SLFN11: variants seen among roughly 807,000 people sequenced by gnomAD.
The protein encoded by SLFN11 is schlafen family member 11.
In SLFN11, 43 loss-of-function variants were observed where a neutral mutation model predicts 53.4. That is an observed-to-expected ratio of 0.80 (90% CI 0.63 to 1.04). The LOEUF (loss-of-function observed/expected upper bound fraction) is 1.04. Ranked by LOEUF, SLFN11 falls within the 50% of genes least tolerant of loss-of-function variation. SLFN11 has a pLI of 0.00. For synonymous variants in SLFN11, 389 were observed against 394.7 expected (o/e 0.99, Z 0.17); for missense variants, 990 against 1,079.1 (o/e 0.92, Z 1.16).
intron 5 of SLFN11, among the ~76,000 whole-genome samples, chr17:35,357,653 C>T (rs983155096): frequency 2.0e-5 from 3 of 147,994 alleles, no homozygotes; most frequent in Non-Finnish European, 4.5e-5. Context: ...ATCCTACATT[C>T]TGTAACTTTG....
rs201943681 is a variant in SLFN11, at chr17:35,363,316, T to C, written c.492A>G (p.Gly164=). The C allele has an allele frequency of 6.2e-6, 10 of 1,613,874 alleles. No individual in the cohort carries two copies. Among genetic ancestry groups the C allele is most frequent in the African/African-American group, 1.3e-5 (1 of 74,888 alleles). Residue 164 remains glycine (G), a synonymous_variant, in exon 4 of 7, where the codon GGA becomes GGG. Coordinates refer to ENST00000685675, the MANE Select transcript of SLFN11 (RefSeq NM_001376007.1). Reference sequence around the variant, plus strand: ...CACCCTTGTGAATTTTGTGAAAAGGTCCTTCTTCCAAGATTTTTGGCTTCC... The same window carrying C: ...CACCCTTGTGAATTTTGTGAAAAGGCCCTTCTTCCAAGATTTTTGGCTTCC... ...TKRKPKILEE[G]PFHKIHKGVY...
rs79638520 is a variant in SLFN11, at chr17:35,352,924, C to T, written c.2138G>A (p.Ser713Asn). ...TTGGTCTGAGAGAGGAGGGAGGCCACTGCAATCCAAGTGGCTGGTCTGAAA... is the reference window on the plus strand; with the variant it reads ...TTGGTCTGAGAGAGGAGGGAGGCCATTGCAATCCAAGTGGCTGGTCTGAAA... ...DYFQTSHLDC[S>N]GLPPLSDQYP... The change falls in exon 7 of 7, where the codon AGT becomes AAT. Residue 713 changes from serine (S) to asparagine (N), a missense_variant. Around this residue, in one of 3 missense-constraint regions of SLFN11, gnomAD observed 313 missense variants for 320.9 expected, o/e 0.98. Coordinates refer to ENST00000685675, the MANE Select transcript of SLFN11 (RefSeq NM_001376007.1). 0.018 allele frequency: 29,656 copies of T among 1,614,182 alleles called. 400 individuals are homozygous for T. Among genetic ancestry groups the T allele is most frequent in the Middle Eastern group, 0.06 (365 of 6,062 alleles).
chr17:35,362,400 C>T (rs527720351), intron 4 of SLFN11, among the ~76,000 whole-genome samples: 17 of 152,136 alleles, frequency 1.1e-4, no homozygotes, highest in African/African-American at 3.6e-4. Flanking sequence ...TTAGTAATAA[C>T]TATGTTTAAC....
In SLFN11 at chr17:35,363,082, T is replaced by A. The variant is rs772635714; in HGVS notation, c.726A>T (p.Gly242=). ...PEYVPAFANT[G]GGYLFIGVDD... ...CCACTCCAATAAAAAGATAGCCTCCTCCAGTGTTTGCAAATGCAGGGACGT... is the reference window on the plus strand; with the variant it reads ...CCACTCCAATAAAAAGATAGCCTCCACCAGTGTTTGCAAATGCAGGGACGT... The change falls in exon 4 of 7, where the codon GGA becomes GGT. Residue 242 remains glycine (G), a synonymous_variant. Coordinates refer to ENST00000685675, the MANE Select transcript of SLFN11 (RefSeq NM_001376007.1). 14 of 1,613,908 alleles carry A rather than the reference T, an allele frequency of 8.7e-6. No homozygotes were observed. Among genetic ancestry groups the A allele is most frequent in the African/African-American group, 1.3e-5 (1 of 74,922 alleles).
rs531005600 is a variant in SLFN11 at position 35,359,155 on chromosome 17, C to T, written c.1198+1088G>A. Among the ~76,000 whole-genome samples, 6 of 152,134 alleles carry T rather than the reference C, an allele frequency of 3.9e-5. No homozygotes were observed. The South Asian group carries it at 1.2e-3, about 32-fold the overall frequency. On this transcript the variant is annotated intron_variant, in intron 5 of 6. Transcript: ENST00000685675. Reference sequence around the variant, plus strand: ...GATTTTTTTATACCAGAATAATAGGCTGTTCCTCTATGGGCATATAGCCCA... The same window carrying T: ...GATTTTTTTATACCAGAATAATAGGTTGTTCCTCTATGGGCATATAGCCCA...
At chr17:35,362,635 G>T in intron 4 of SLFN11, 104 bp downstream of exon 4, 1 of 849,790 alleles carries the variant, frequency 1.2e-6, no homozygotes, top group Admixed American at 3.3e-5. Flanking sequence ...AAAGTGTTCA[G>T]TGGATGTAAG....
rs1444664765 is a variant in SLFN11 at position 35,352,508 on chromosome 17, C to T, written c.2554G>A (p.Asp852Asn). The change falls in exon 7 of 7, where the codon GAC (aspartate) becomes AAC (asparagine). Residue 852 changes from aspartate to asparagine, a missense_variant. Transcript: ENST00000685675. Reference sequence around the variant, plus strand: ...AGGCCTGAGAATCGCCGAACACTGTCCAACACAATGTGATCACCCAACATA... The same window carrying T: ...AGGCCTGAGAATCGCCGAACACTGTTCAACACAATGTGATCACCCAACATA... ...CDMLGDHIVL[D>N]SVRRFSGLER... The T allele has an allele frequency of 6.2e-7, 1 of 1,614,176 alleles. No individual in the cohort carries two copies. The highest frequency in any genetic ancestry group is 2.2e-5 in the East Asian group (1 of 44,880).
rs867798310 is a variant in SLFN11 at position 35,352,826 on chromosome 17, G to A, written c.2236C>T (p.Gln746Ter). 1 of 1,614,178 alleles carries A rather than the reference G, an allele frequency of 6.2e-7. No individual in the cohort carries two copies. The highest frequency in any genetic ancestry group is 8.5e-7 in the Non-Finnish European group (1 of 1,180,030). ...AATGAAGGATTACTTCTAATTACTT[G>A]CATTTCTTTTTGTAAGTACTTGGCT... ...PIAKYLQKEM[Q>*]VIRSNPSFNI... Residue 746 changes from glutamine to a stop codon, truncating the protein, a stop_gained, in exon 7 of 7, where the codon CAA becomes TAA. Transcript: ENST00000685675. LOFTEE classifies it low-confidence loss of function (END_TRUNC).
chr17:35,359,635 G>A (rs1907954300), intron 5 of SLFN11, among the ~76,000 whole-genome samples: 1 of 152,144 alleles, frequency 6.6e-6, no homozygotes, highest in South Asian at 2.1e-4. Flanking sequence ...GCTGCTACGT[G>A]ATTGTCCTAA....
intron 4 of SLFN11, among the ~76,000 whole-genome samples, chr17:35,361,130 C>A (rs1202591157): frequency 6.6e-6 from 1 of 152,112 alleles, no homozygotes; most frequent in Non-Finnish European, 1.5e-5. Flanking sequence ...TTTATGTTCT[C>A]TCTGTGTTTC....
intron 5 of SLFN11, 124 bp from the exon 6 acceptor site, chr17:35,354,183 T>TA: frequency 4.3e-6 from 3 of 703,232 alleles, no homozygotes; most frequent in Non-Finnish European, 6.0e-6. Context: ...TACTATTTTA[T>TA]AAATATTATT....
intron 2 of SLFN11, 186 bp downstream of exon 2, chr17:35,367,417 C>T (rs1041882440): frequency 1.3e-5 from 2 of 152,102 alleles, no homozygotes; most frequent in Non-Finnish European, 2.9e-5. Context: ...GAATTATAAT[C>T]AGCATCACTT....
chr17:35,364,646 G>A (rs1308244876), intron 3 of SLFN11, among the ~76,000 whole-genome samples: 1 of 152,106 alleles, frequency 6.6e-6, no homozygotes, highest in Non-Finnish European at 1.5e-5. Flanking sequence ...GTCATTAAAA[G>A]TATTATAACA....
Position 35,360,390 on chromosome 17 carries a change from T to C in SLFN11, c.1070-19A>G. 1 of 1,593,712 alleles carries C rather than the reference T, an allele frequency of 6.3e-7. No individual in the cohort carries two copies. On this transcript the variant is annotated intron_variant, in intron 4 of 6. Coordinates refer to ENST00000685675, the MANE Select transcript of SLFN11 (RefSeq NM_001376007.1). ...AGAAGATCTTAAGAAAGAAAATTCATGTTATTCTGACGTGTTAATCTCTTC... is the reference window on the plus strand; with the variant it reads ...AGAAGATCTTAAGAAAGAAAATTCACGTTATTCTGACGTGTTAATCTCTTC...
chr17:35,356,371 T>C (rs1182860547), intron 5 of SLFN11, among the ~76,000 whole-genome samples: 1 of 152,164 alleles, frequency 6.6e-6, no homozygotes, highest in South Asian at 2.1e-4. Flanking sequence ...AAAATAACTT[T>C]AGTTAATATA....
In SLFN11 at chr17:35,358,535, C is replaced by CAT. The variant is rs1307186329; in HGVS notation, c.1198+1706_1198+1707dup. On this transcript the variant is annotated intron_variant, in intron 5 of 6. Transcript: ENST00000685675. ...CAATTAACATGATGTTCTTGGTGGA[C>CAT]ATATATATACATGTAAATATATATA... Among the ~76,000 whole-genome samples the CAT allele has an allele frequency of 5.3e-5, 8 of 150,612 alleles. No homozygotes were observed. The South Asian group carries it at 6.3e-4, about 12-fold the overall frequency.
rs998536390 is a variant in SLFN11, at chr17:35,362,922, T to C, written c.886A>G (p.Thr296Ala). The C allele has an allele frequency of 1.2e-6, 2 of 1,613,862 alleles. No homozygotes were observed. Among genetic ancestry groups the C allele is most frequent in the Admixed American group, 3.3e-5 (2 of 59,982 alleles). Residue 296 changes from threonine to alanine, a missense_variant, in exon 4 of 7, where the codon ACA (threonine) becomes GCA (alanine). Around this residue, in one of 3 missense-constraint regions of SLFN11, gnomAD observed 521 missense variants for 516.2 expected, o/e 1.01. Coordinates refer to ENST00000685675, the MANE Select transcript of SLFN11 (RefSeq NM_001376007.1). ...FCQPQRPITF[T>A]LKIVNVLKRG... ...TTTAACACATTCACAATTTTGAGTG[T>C]GAAGGTTATCGGGCGTTGGGGTTGG... is the stretch of plus-strand genomic sequence containing the variant.
rs1025455611 is a variant in SLFN11 at position 35,367,630 on chromosome 17, A to G, written c.-164T>C. 1 of 152,162 alleles carries G rather than the reference A, an allele frequency of 6.6e-6. No individual in the cohort carries two copies. The highest frequency in any genetic ancestry group is 1.5e-5 in the Non-Finnish European group (1 of 68,036). 9.4% of individuals were successfully genotyped at this position (152,162 alleles called of 1,614,324 possible). A position where few individuals can be genotyped will look rare whatever the true frequency, so the allele number is the denominator to read the frequency against. ...TTCAGTGTAGCCAGAGTTCCCACCA[A>G]CACAGTGAATTAGCACCACCTGCTA... is the stretch of plus-strand genomic sequence containing the variant. On this transcript the variant is annotated 5_prime_UTR_variant, in exon 2 of 7. Coordinates refer to ENST00000685675, the MANE Select transcript of SLFN11 (RefSeq NM_001376007.1).
chr17:35,355,760 G>A (rs62079542), intron 5 of SLFN11, among the ~76,000 whole-genome samples: 3,845 of 152,216 alleles, frequency 0.025, 66 homozygotes, highest in South Asian at 0.052. Flanking sequence ...GTGCACCAGA[G>A]TAGTCACCAC....
Sources: gnomAD v4.1 joint callset for allele counts (sites outside exome capture counted in the v4.1 genomes callset) on GRCh38, gnomAD v4.1.1 for gene constraint, gnomAD v4.1.1 regional missense constraint, MANE v1.5 for transcripts, NCBI Gene and HGNC (gene_info 2026-07-23, HGNC 2026-07-21) for gene names.